The following SP100 variants were observed in gnomAD, a reference collection of about 807,000 sequenced individuals.
SP100 encodes nuclear autoantigen Sp-100.
Under a neutral mutation model 130.0 loss-of-function variants are expected in SP100, and 84 were observed. The observed-to-expected ratio is 0.65, with a 90% CI of 0.54 to 0.77. The LOEUF (loss-of-function observed/expected upper bound fraction) is 0.77, where lower values mean the gene tolerates loss of function less well. SP100 is among the 30% of genes least tolerant of loss of function. The pLI is 0.00. For synonymous variants in SP100, 331 were observed against 351.7 expected (o/e 0.94, Z 0.66); for missense variants, 978 against 1,052.2 (o/e 0.93, Z 0.97).
chr2:230,453,729 G>A (rs925073263), intron 8 of SP100, among the ~76,000 whole-genome samples: 6 of 152,138 alleles, frequency 3.9e-5, no homozygotes, highest in Admixed American at 2.0e-4. Context: ...TTTCATATAC[G>A]TTTATCAAGG....
intron 11 of SP100, among the ~76,000 whole-genome samples, chr2:230,465,003 G>C (rs898707583): frequency 6.6e-6 from 1 of 152,014 alleles, no homozygotes; most frequent in African/African-American, 2.4e-5. Flanking sequence ...TTTGGGAGGC[G>C]GGGGCAGGCA....
intron 1 of SP100, among the ~76,000 whole-genome samples, chr2:230,417,073 CAG>C (rs1324448159): frequency 6.6e-6 from 1 of 152,114 alleles, no homozygotes; most frequent in Non-Finnish European, 1.5e-5. Context: ...AAATTTAAAA[CAG>C]TGGAGAAGTA....
intron 17 of SP100, among the ~76,000 whole-genome samples, chr2:230,487,130 A>G (rs1328387329): frequency 6.6e-6 from 1 of 152,210 alleles, no homozygotes; most frequent in East Asian, 1.9e-4. Context: ...TTGCCTGTTC[A>G]TTCTGATGAT....
chr2:230,469,810 A>T lies in SP100; in HGVS notation c.1346-205A>T, dbSNP rs1011195595. 23 of 1,472,216 alleles carry T rather than the reference A, an allele frequency of 1.6e-5. No individual in the cohort carries two copies. The African/African-American group carries it at 2.8e-4, about 18-fold the overall frequency. The allele number at this position is 1,472,216 out of a possible 1,614,324, so 91.2% of individuals were successfully genotyped here. A position where few individuals can be genotyped will look rare whatever the true frequency, so the allele number is the denominator to read the frequency against. ...AAAAAAAAGAAGAAGAAACAATGTC[A>T]TCCCCAGCCCCAGCCTCAGAGAGGG... is the stretch of plus-strand genomic sequence containing the variant. On this transcript the variant is annotated intron_variant, in intron 14 of 28. Coordinates refer to ENST00000340126, the MANE Select transcript of SP100 (RefSeq NM_001080391.2).
Position 230,504,302 on chromosome 2 carries a change from G to T in SP100, c.1870+12G>T, listed in dbSNP as rs775827268. 2.8e-5 allele frequency: 41 copies of T among 1,460,928 alleles called. No homozygotes were observed. The highest frequency in any genetic ancestry group is 1.7e-4 in the Admixed American group (10 of 58,540). 90.5% of individuals were successfully genotyped at this position (1,460,928 alleles called of 1,614,324 possible). On this transcript the variant is annotated intron_variant, in intron 21 of 28. Coordinates refer to ENST00000340126, the MANE Select transcript of SP100 (RefSeq NM_001080391.2). The stretch of plus-strand genomic sequence containing the variant: ...GCGATTCAAACAAGGTGAGTTTACT[G>T]GTCCATCTACGATTTTCAGCTGGAA...
At chr2:230,497,279 A>G (rs1379142088) in intron 18 of SP100, among the ~76,000 whole-genome samples, 1 of 152,038 alleles carries the variant, frequency 6.6e-6, no homozygotes, top group Non-Finnish European at 1.5e-5. Flanking sequence ...AGGTGACTAC[A>G]ACAGGACCAA....
At chr2:230,428,131 T>G (rs536442006) in intron 2 of SP100, among the ~76,000 whole-genome samples, 2 of 152,156 alleles carry the variant, frequency 1.3e-5, no homozygotes, top group Non-Finnish European at 2.9e-5. Flanking sequence ...CTCGGGAGGC[T>G]GAGACAGGAG....
intron 2 of SP100, among the ~76,000 whole-genome samples, chr2:230,438,269 TC>T (rs2063354874): frequency 6.6e-6 from 1 of 152,170 alleles, no homozygotes. Flanking sequence ...TCATACTTTT[TC>T]CATTTTGTCT....
In SP100 at chr2:230,499,743, C is replaced by T. The variant is rs183320179; in HGVS notation, c.1720+1208C>T. Reference sequence around the variant, plus strand: ...CTCAGCCCTCTGGCACCCTTGACCCCGCTAGCCATGACCTTCACCTTTACA... The same window carrying T: ...CTCAGCCCTCTGGCACCCTTGACCCTGCTAGCCATGACCTTCACCTTTACA... On this transcript the variant is annotated intron_variant, in intron 19 of 28. Transcript: ENST00000340126. 6.3e-4 allele frequency among the ~76,000 whole-genome samples: 96 copies of T among 152,032 alleles called. 1 individual carries two copies. Among genetic ancestry groups the T allele is most frequent in the African/African-American group, 2.3e-3 (94 of 41,468 alleles).
chr2:230,421,402 T>C (rs965981545), intron 2 of SP100, among the ~76,000 whole-genome samples: 4 of 152,252 alleles, frequency 2.6e-5, no homozygotes, highest in African/African-American at 9.6e-5. Flanking sequence ...TGTTGGGTCT[T>C]GTTTTGTGGA....
Position 230,444,333 on chromosome 2 carries a change from A to G in SP100, c.426A>G (p.Lys142=). Residue 142 remains lysine (K), a synonymous_variant, in exon 4 of 29, where the codon AAA becomes AAG. Transcript: ENST00000340126. ...ACCCCGATTTAATTCACATTTATAA[A>G]GGCTTTGAAAATGGTAATTAGATTT... is the stretch of plus-strand genomic sequence containing the variant. ...QEYPDLIHIY[K]GFENVIHDKL... 1 of 1,610,488 alleles carries G rather than the reference A, an allele frequency of 6.2e-7. No individual in the cohort carries two copies. Among genetic ancestry groups the G allele is most frequent in the Non-Finnish European group, 8.5e-7 (1 of 1,179,016 alleles).
chr2:230,491,299 T>C (rs935882798), intron 17 of SP100, among the ~76,000 whole-genome samples: 1 of 152,242 alleles, frequency 6.6e-6, no homozygotes, highest in Admixed American at 6.5e-5. Flanking sequence ...TCATGGAGAC[T>C]GCGGCCTTTC....
chr2:230,523,919 AATT>A (rs1691291516), intron 24 of SP100, among the ~76,000 whole-genome samples: 1 of 152,096 alleles, frequency 6.6e-6, no homozygotes, highest in Non-Finnish European at 1.5e-5. Flanking sequence ...CAAAAAAAAA[AATT>A]ATTGGTAAAA....
At chr2:230,489,548 T>C (rs943194136) in intron 17 of SP100, among the ~76,000 whole-genome samples, 1 of 152,174 alleles carries the variant, frequency 6.6e-6, no homozygotes, top group Non-Finnish European at 1.5e-5. Flanking sequence ...TTTCTTGTCT[T>C]CTGCTAGCTT....
At chr2:230,506,231 A>G in intron 21 of SP100, 72 bp from the exon 22 acceptor site, 8 of 1,556,962 alleles carry the variant, frequency 5.1e-6, no homozygotes, top group Non-Finnish European at 7.0e-6. Context: ...GTGGCCCCAG[A>G]CCCCAGCATG....
intron 17 of SP100, among the ~76,000 whole-genome samples, chr2:230,475,451 G>A (rs2065493070): frequency 1.3e-5 from 2 of 152,082 alleles, no homozygotes; most frequent in Admixed American, 6.6e-5. Flanking sequence ...TTCGTTATAT[G>A]CACAGTTTGC....
At chr2:230,490,393 C>T (rs1040610356) in intron 17 of SP100, among the ~76,000 whole-genome samples, 2 of 152,074 alleles carry the variant, frequency 1.3e-5, no homozygotes, top group Non-Finnish European at 2.9e-5. Flanking sequence ...CATGTCTTTA[C>T]AGGTGAGATG....
intron 16 of SP100, 31 bp from the exon 17 acceptor site, chr2:230,474,363 A>T (rs768564571): frequency 8.1e-7 from 1 of 1,237,866 alleles, no homozygotes. Context: ...TATAAATTAC[A>T]GTTCTCTGAC....
intron 24 of SP100, 38 bp from the exon 25 acceptor site, chr2:230,539,229 C>G: frequency 7.6e-7 from 1 of 1,322,638 alleles, no homozygotes; most frequent in Non-Finnish European, 1.1e-6. Flanking sequence ...GTCCAAGGGT[C>G]TCACTGATCC....
Sources: allele counts gnomAD v4.1 joint callset (sites outside exome capture counted in the v4.1 genomes callset), GRCh38; gene constraint gnomAD v4.1.1; transcripts MANE v1.5; gene names NCBI Gene and HGNC (gene_info 2026-07-23, HGNC 2026-07-21).